The following NUDCD3 variants were observed in gnomAD, a reference collection of about 807,000 sequenced individuals.
NUDCD3 encodes nudC domain-containing protein 3.
NUDCD3 carries 13 observed loss-of-function variants against 39.7 expected under a neutral mutation model. The observed-to-expected ratio is 0.33, with a 90% CI of 0.21 to 0.52. The LOEUF is 0.52. Ranked by LOEUF, NUDCD3 falls within the 20% of genes least tolerant of loss-of-function variation. The probability of loss-of-function intolerance (pLI) is 0.96; values close to 1 mark genes in which losing one functional copy is unlikely to be tolerated. For synonymous variants in NUDCD3, 175 were observed against 172.4 expected, an observed-to-expected ratio of 1.02 and a Z score of -0.12; for missense variants, 453 against 458.1, an observed-to-expected ratio of 0.99 and a Z score of 0.10.
At chr7:44,462,902 C>T (rs1270989691) in intron 2 of NUDCD3, among the ~76,000 whole-genome samples, 3 of 151,928 alleles carry the variant, frequency 2.0e-5, no homozygotes, top group African/African-American at 4.8e-5. Context: ...ACCAAAGCAA[C>T]ACTGCCTGTG....
Position 44,471,470 on chromosome 7 carries a change from G to A in NUDCD3, c.509+13498C>T, listed in dbSNP as rs1800256700. Among the ~76,000 whole-genome samples, 12 of 152,316 alleles carry A rather than the reference G, an allele frequency of 7.9e-5. 1 individual carries two copies. The South Asian group carries it at 2.3e-3, about 29-fold the overall frequency. The stretch of plus-strand genomic sequence containing the variant: ...CATGGTAACAACCAGCTCAGGGCTA[G>A]GTGATCTAGGTCAGTCCCACTCCCC... On this transcript the variant is annotated intron_variant, in intron 2 of 5. Transcript: ENST00000355451.
At chr7:44,428,081 G>A (rs1165048440) in intron 2 of NUDCD3, among the ~76,000 whole-genome samples, 1 of 139,336 alleles carries the variant, frequency 7.2e-6, no homozygotes, top group African/African-American at 2.7e-5. Context: ...TTAGGCTCAT[G>A]AGTCCTTGGT....
chr7:44,409,319 G>C (rs578168596), intron 3 of NUDCD3, among the ~76,000 whole-genome samples: 16 of 152,246 alleles, frequency 1.1e-4, no homozygotes, highest in Non-Finnish European at 2.2e-4. Flanking sequence ...GACAAAAACA[G>C]GTGTTTACTG....
intron 3 of NUDCD3, 85 bp downstream of exon 3, chr7:44,427,486 C>CCT: frequency 6.8e-7 from 1 of 1,468,354 alleles, no homozygotes; most frequent in Non-Finnish European, 9.3e-7. Flanking sequence ...CTCAACACTC[C>CCT]CTCAAGGATG....
At chr7:44,454,830 G>A (rs1026805950) in intron 2 of NUDCD3, among the ~76,000 whole-genome samples, 10 of 152,002 alleles carry the variant, frequency 6.6e-5, no homozygotes, top group African/African-American at 1.9e-4. Flanking sequence ...CTACTCCAGA[G>A]GCTATGGGTA....
intron 2 of NUDCD3, chr7:44,468,028 G>A: frequency 1.2e-6 from 2 of 1,613,000 alleles, no homozygotes; most frequent in South Asian, 1.1e-5. Context: ...CTGACAACAG[G>A]GTTCGTAGAA....
chr7:44,382,920 G>T lies in NUDCD3; in HGVS notation c.*3091C>A. 6.6e-6 allele frequency: 1 copy of T among 152,366 alleles called. No homozygotes were observed. 9.4% of individuals were successfully genotyped at this position (152,366 alleles called of 1,614,324 possible). A position where few individuals can be genotyped will look rare whatever the true frequency, so the allele number is the denominator to read the frequency against. ...GTTCTCCCTCCTGCACTCTTCAGGG[G>T]CAAATACGCCTCTCCTTTCTGGCGG... On this transcript the variant is annotated 3_prime_UTR_variant, in exon 6 of 6. Coordinates refer to ENST00000355451, the MANE Select transcript of NUDCD3 (RefSeq NM_015332.4).
At chr7:44,415,593 A>C (rs1799005145) in intron 3 of NUDCD3, among the ~76,000 whole-genome samples, 2 of 152,226 alleles carry the variant, frequency 1.3e-5, no homozygotes. Flanking sequence ...ACTACCCTTG[A>C]GAGAGCAAGT....
intron 4 of NUDCD3, among the ~76,000 whole-genome samples, chr7:44,394,718 G>C (rs1798590421): frequency 6.6e-6 from 1 of 152,182 alleles, no homozygotes; most frequent in South Asian, 2.1e-4. Flanking sequence ...AGATTGCCCA[G>C]CATGAAGAGG....
At chr7:44,466,848 C>G (rs1800128667) in intron 2 of NUDCD3, among the ~76,000 whole-genome samples, 1 of 152,226 alleles carries the variant, frequency 6.6e-6, no homozygotes, top group Non-Finnish European at 1.5e-5. Context: ...AACACCCCCG[C>G]TTCCCATGAA....
intron 2 of NUDCD3, among the ~76,000 whole-genome samples, chr7:44,444,708 C>A (rs1172802113): frequency 6.6e-6 from 1 of 152,186 alleles, no homozygotes; most frequent in African/African-American, 2.4e-5. Context: ...CTCTGTGAGA[C>A]CCTGTGCCGT....
At chr7:44,410,253 A>G (rs1314981853) in intron 3 of NUDCD3, among the ~76,000 whole-genome samples, 1 of 152,242 alleles carries the variant, frequency 6.6e-6, no homozygotes, top group Admixed American at 6.5e-5. Flanking sequence ...TAATGAAGGA[A>G]CAGAACAAAA....
rs761752415 is a variant in NUDCD3 at position 44,485,084 on chromosome 7, C to G, written c.393G>C (p.Glu131Asp). ...TTELDGHQEV[E>D]KVQPPGPVKE... is the part of the protein sequence containing the mutation. ...TCACAGGGCCTGGAGGCTGCACTTT[C>G]TCTACTTCCTGATGCCCATCCAATT... Residue 131 changes from glutamate to aspartate, a missense_variant, in exon 2 of 6, where the codon GAG becomes GAC. Glu to Asp is a conservative substitution (Grantham distance 45, BLOSUM62 2). Transcript: ENST00000355451. The G allele has an allele frequency of 6.2e-7, 1 of 1,614,206 alleles. No individual in the cohort carries two copies. The highest frequency in any genetic ancestry group is 1.1e-5 in the South Asian group (1 of 91,086).
At chr7:44,402,745 T>C (rs1018170754) in intron 4 of NUDCD3, 2 of 455,146 alleles carry the variant, frequency 4.4e-6, no homozygotes, top group Non-Finnish European at 8.8e-6. Flanking sequence ...AAGGCCAGTG[T>C]TTTAAGGCAG....
chr7:44,490,252 A>C (rs1265157070), intron 1 of NUDCD3, 157 bp downstream of exon 1: 1 of 700,804 alleles, frequency 1.4e-6, no homozygotes, highest in Non-Finnish European at 2.3e-6. Flanking sequence ...CTGACATCCA[A>C]TCCGCGCTTC....
In NUDCD3 at chr7:44,490,570, G is replaced by C; in HGVS notation, c.31C>G (p.Gln11Glu). ...TGCTGCAGGATGCCCAAAAGGGCCT[G>C]GTCATACAGCTCGGCCGCCCCTGTC... METGAAELYD[Q>E]ALLGILQHVG... is the part of the protein sequence containing the mutation. The change falls in exon 1 of 6, where the codon CAG becomes GAG. Residue 11 changes from glutamine to glutamate, a missense_variant. By Grantham distance (29) the Gln-to-Glu change is conservative (BLOSUM62 2). Coordinates refer to ENST00000355451, the MANE Select transcript of NUDCD3 (RefSeq NM_015332.4). 1 of 1,611,402 alleles carries C rather than the reference G, an allele frequency of 6.2e-7. No homozygotes were observed. Among genetic ancestry groups the C allele is most frequent in the Non-Finnish European group, 8.5e-7 (1 of 1,178,870 alleles).
intron 2 of NUDCD3, among the ~76,000 whole-genome samples, chr7:44,445,045 C>A (rs1585083820): frequency 6.6e-6 from 1 of 152,346 alleles, no homozygotes; most frequent in Non-Finnish European, 1.5e-5. Flanking sequence ...CACCCTTGGA[C>A]TACCCAGGCT....
Position 44,385,968 on chromosome 7 carries a change from G to T in NUDCD3, c.*43C>A, listed in dbSNP as rs367686155. On this transcript the variant is annotated 3_prime_UTR_variant, in exon 6 of 6. Transcript: ENST00000355451. ...GCCAAGAAGGGCAGCCGAGGATAAGGCTCTGCCTCCCCACCGGCGAGGGTT... is the reference window on the plus strand; with the variant it reads ...GCCAAGAAGGGCAGCCGAGGATAAGTCTCTGCCTCCCCACCGGCGAGGGTT... 1.0e-6 allele frequency: 1 copy of T among 995,948 alleles called. No individual in the cohort carries two copies. Among genetic ancestry groups the T allele is most frequent in the Non-Finnish European group, 1.6e-6 (1 of 617,344 alleles). The allele number at this position is 995,948 out of a possible 1,614,324, so 61.7% of individuals were successfully genotyped here.
intron 1 of NUDCD3, among the ~76,000 whole-genome samples, chr7:44,486,652 G>A (rs1800616150): frequency 6.6e-6 from 1 of 152,192 alleles, no homozygotes; most frequent in African/African-American, 2.4e-5. Flanking sequence ...TTGAGTCCAT[G>A]CTTTCAGAGT....
Sources: allele counts gnomAD v4.1 joint callset (sites outside exome capture counted in the v4.1 genomes callset), GRCh38; gene constraint gnomAD v4.1.1; transcripts MANE v1.5; gene names NCBI Gene and HGNC (gene_info 2026-07-23, HGNC 2026-07-21).